Variants in PRKCB observed in about 807,000 individuals in gnomAD.
PRKCB encodes protein kinase C beta.
A neutral mutation model predicts 81.5 loss-of-function variants in PRKCB; 13 were observed. The observed-to-expected ratio is 0.16, with a 90% CI of 0.10 to 0.25. PRKCB has a LOEUF of 0.25. PRKCB is among the 10% of genes least tolerant of loss of function. The probability of loss-of-function intolerance (pLI) is 1.00; values close to 1 mark genes in which losing one functional copy is unlikely to be tolerated. For synonymous variants in PRKCB, 335 were observed against 321.4 expected (o/e 1.04, Z -0.45); for missense variants, 509 against 875.7 (o/e 0.58, Z 5.29).
At chr16:23,989,904 A>C (rs921953364) in intron 3 of PRKCB, among the ~76,000 whole-genome samples, 3 of 152,122 alleles carry the variant, frequency 2.0e-5, no homozygotes, top group Non-Finnish European at 2.9e-5. Context: ...TGAGGGGAAG[A>C]CCTGGGAAAG....
chr16:23,974,761 T>G (rs1197852864), intron 2 of PRKCB, among the ~76,000 whole-genome samples: 5 of 152,002 alleles, frequency 3.3e-5, no homozygotes, highest in Non-Finnish European at 7.4e-5. Context: ...CTGGAAATAT[T>G]ATGGGTTGGC....
chr16:24,115,011 A>G (rs1291933888), intron 8 of PRKCB, among the ~76,000 whole-genome samples: 1 of 152,144 alleles, frequency 6.6e-6, no homozygotes, highest in Non-Finnish European at 1.5e-5. Context: ...AAGAGGGGAA[A>G]ATGTATTCTG....
At chr16:23,944,969 A>G (rs1050075285) in intron 2 of PRKCB, among the ~76,000 whole-genome samples, 13 of 152,184 alleles carry the variant, frequency 8.5e-5, no homozygotes, top group Non-Finnish European at 1.8e-4. Context: ...TGAGGGGCCA[A>G]GGAGGTTCCG....
intron 2 of PRKCB, among the ~76,000 whole-genome samples, chr16:23,974,807 C>T (rs1329766920): frequency 1.3e-5 from 2 of 151,998 alleles, no homozygotes; most frequent in East Asian, 3.9e-4. Context: ...AGTACAGGGC[C>T]CAGGGTGGCT....
At chr16:23,873,321 C>T (rs1338934272) in intron 2 of PRKCB, among the ~76,000 whole-genome samples, 1 of 148,412 alleles carries the variant, frequency 6.7e-6, no homozygotes, top group African/African-American at 2.5e-5. Context: ...TGCAGTGAGC[C>T]GAAATCGTGC....
chr16:24,191,351 G>A (rs1967790575), intron 16 of PRKCB, 121 bp downstream of exon 16: 2 of 1,105,468 alleles, frequency 1.8e-6, no homozygotes, highest in Non-Finnish European at 2.6e-6. Context: ...GAACATGGGT[G>A]TATGTATTCA....
At chr16:23,897,771 A>C (rs532974767) in intron 2 of PRKCB, among the ~76,000 whole-genome samples, 1 of 152,214 alleles carries the variant, frequency 6.6e-6, no homozygotes, top group East Asian at 1.9e-4. Flanking sequence ...TTTAAAGTTA[A>C]ATCATTTGTT....
At position 23,842,204 on chromosome 16, in the gene PRKCB, G is replaced by A. The variant is rs541645668; in HGVS notation, c.205+4798G>A. Among the ~76,000 whole-genome samples, 35 of 152,220 alleles carry A rather than the reference G, an allele frequency of 2.3e-4. No individual in the cohort carries two copies. In the South Asian group the frequency reaches 6.2e-3, roughly 27 times the overall value. ...TTGGGTATGTATCTCTGATGGAGCC[G>A]CTTACTCCCTGTGTGACCTTGGGCA... is the stretch of plus-strand genomic sequence containing the variant. On this transcript the variant is annotated intron_variant, in intron 2 of 16. Transcript: ENST00000643927.
At position 24,184,643 on chromosome 16, in the gene PRKCB, C is replaced by G. The variant is rs444532; in HGVS notation, c.1534-468C>G. On this transcript the variant is annotated intron_variant, in intron 13 of 16. Transcript: ENST00000643927. Reference sequence around the variant, plus strand: ...GGTGATTTTCATGTTATTATCTCAGCTGAGCTATCTTTTATAAAGAAATAT... The same window carrying G: ...GGTGATTTTCATGTTATTATCTCAGGTGAGCTATCTTTTATAAAGAAATAT... 7.8e-4 allele frequency among the ~76,000 whole-genome samples: 118 copies of G among 152,214 alleles called. 1 individual carries two copies. The highest frequency in any genetic ancestry group is 3.4e-3 in the Middle Eastern group (1 of 294).
At chr16:24,144,303 T>A (rs903821596) in intron 9 of PRKCB, among the ~76,000 whole-genome samples, 1 of 152,186 alleles carries the variant, frequency 6.6e-6, no homozygotes, top group African/African-American at 2.4e-5. Context: ...ATATTCTTTT[T>A]TTCTTTTTGA....
At chr16:23,847,551 ACCATCCAT>A (rs1055062679) in intron 2 of PRKCB, among the ~76,000 whole-genome samples, 1 of 68,308 alleles carries the variant, frequency 1.5e-5, no homozygotes, top group East Asian at 3.3e-4. Context: ...CATCCATCCA[ACCATCCAT>A]CCATCCATCC....
chr16:24,161,132 G>A (rs1161465656), intron 10 of PRKCB, among the ~76,000 whole-genome samples: 1 of 151,992 alleles, frequency 6.6e-6, no homozygotes, highest in African/African-American at 2.4e-5. Context: ...CTCAAAAGTG[G>A]CCAAAATACT....
At chr16:23,946,932 T>G (rs1213349633) in intron 2 of PRKCB, among the ~76,000 whole-genome samples, 1 of 151,862 alleles carries the variant, frequency 6.6e-6, no homozygotes, top group Non-Finnish European at 1.5e-5. Flanking sequence ...CTCAGCTCAC[T>G]GCAACCTCCA....
chr16:24,068,241 CA>C (rs1192898347), intron 5 of PRKCB, among the ~76,000 whole-genome samples: 1 of 152,140 alleles, frequency 6.6e-6, no homozygotes, highest in African/African-American at 2.4e-5. Context: ...TCAACCTCTG[CA>C]GTGTGATTGG....
intron 5 of PRKCB, among the ~76,000 whole-genome samples, chr16:24,081,565 TA>T (rs949499046): frequency 1.3e-5 from 2 of 151,960 alleles, no homozygotes; most frequent in South Asian, 4.2e-4. Flanking sequence ...CACAGTAAGA[TA>T]AAAAAAATTT....
At chr16:24,112,693 A>C (rs149457907) in intron 7 of PRKCB, among the ~76,000 whole-genome samples, 2 of 152,328 alleles carry the variant, frequency 1.3e-5, no homozygotes, top group East Asian at 3.9e-4. Flanking sequence ...GTAAGTGTGT[A>C]TAGAGAGAGA....
At chr16:23,992,414 G>T (rs1471804621) in intron 3 of PRKCB, among the ~76,000 whole-genome samples, 1 of 152,118 alleles carries the variant, frequency 6.6e-6, no homozygotes, top group Non-Finnish European at 1.5e-5. Flanking sequence ...GATAGTCCGT[G>T]GCATGATCTG....
chr16:23,990,458 G>GA (rs1017481590), intron 3 of PRKCB, among the ~76,000 whole-genome samples: 3 of 144,250 alleles, frequency 2.1e-5, no homozygotes, highest in Admixed American at 1.4e-4. Flanking sequence ...ACTCTGTCTC[G>GA]AAAAAAAAGA....
At chr16:24,013,807 C>T (rs1443614526) in intron 3 of PRKCB, among the ~76,000 whole-genome samples, 1 of 150,120 alleles carries the variant, frequency 6.7e-6, no homozygotes, top group Non-Finnish European at 1.5e-5. Context: ...GTATAGACAT[C>T]AGAGTTGGCC....
Sources: gnomAD v4.1 joint callset for allele counts (sites outside exome capture counted in the v4.1 genomes callset) on GRCh38, gnomAD v4.1.1 for gene constraint, MANE v1.5 for transcripts, NCBI Gene and HGNC (gene_info 2026-07-23, HGNC 2026-07-21) for gene names.